SF1: variants seen among roughly 807,000 people sequenced by gnomAD.
The protein encoded by SF1 is splicing factor 1.
SF1 carries 7 observed loss-of-function variants against 62.5 expected under a neutral mutation model. The ratio of observed to expected loss-of-function variants is 0.11; its 90% confidence interval spans 0.06 to 0.21. The LOEUF (loss-of-function observed/expected upper bound fraction) is 0.21, where lower values mean the gene tolerates loss of function less well. Ranked by LOEUF, SF1 falls within the 10% of genes least tolerant of loss-of-function variation. The probability of loss-of-function intolerance (pLI) is 1.00; values close to 1 mark genes in which losing one functional copy is unlikely to be tolerated. For synonymous variants in SF1, 394 were observed against 323.6 expected, an observed-to-expected ratio of 1.22 and a Z score of -2.33; for missense variants, 578 against 884.0, an observed-to-expected ratio of 0.65 and a Z score of 4.39.
At chr11:64,774,962 A>C (rs1232561169) in intron 2 of SF1, among the ~76,000 whole-genome samples, 1 of 98,976 alleles carries the variant, frequency 1.0e-5, no homozygotes, top group Non-Finnish European at 1.9e-5. Context: ...TCAGTCTCTC[A>C]AAAAAAAAAA....
intron 10 of SF1, 84 bp from the exon 11 acceptor site, chr11:64,767,335 C>T: frequency 7.4e-7 from 1 of 1,360,120 alleles, no homozygotes; most frequent in Admixed American, 1.7e-5. Flanking sequence ...CAGTTGCTAT[C>T]CTTACGCGAG....
chr11:64,768,054 C>T, intron 9 of SF1, 52 bp downstream of exon 9: 1 of 1,564,674 alleles, frequency 6.4e-7, no homozygotes, highest in East Asian at 2.3e-5. Context: ...CTCCCAGTCT[C>T]TGCAGTAGAG....
rs1352978961 is a variant in SF1, at chr11:64,778,489, G to T, written c.-97C>A. ...GGGAGGGGACCCGAATGCGCTGCCGGAGCGCGCGGAGCCCGTCCTCTCACG... is the reference window on the plus strand; with the variant it reads ...GGGAGGGGACCCGAATGCGCTGCCGTAGCGCGCGGAGCCCGTCCTCTCACG... On this transcript the variant is annotated 5_prime_UTR_variant, in exon 1 of 13. Transcript: ENST00000377390. 2.5e-6 allele frequency: 3 copies of T among 1,200,748 alleles called. No individual in the cohort carries two copies. The highest frequency in any genetic ancestry group is 3.1e-6 in the Non-Finnish European group (3 of 967,332). The allele number at this position is 1,200,748 out of a possible 1,614,324, so 74.4% of individuals were successfully genotyped here. A position where few individuals can be genotyped will look rare whatever the true frequency, so the allele number is the denominator to read the frequency against.
chr11:64,767,426 T>C (rs564347297), intron 10 of SF1, 145 bp downstream of exon 10: 56 of 1,064,040 alleles, frequency 5.3e-5, no homozygotes, highest in South Asian at 1.6e-4. Context: ...GGAGTCTTGC[T>C]CCTTCCAGAG....
chr11:64,774,395 A>G (rs1300394742), intron 2 of SF1, among the ~76,000 whole-genome samples: 1 of 152,174 alleles, frequency 6.6e-6, no homozygotes, highest in Non-Finnish European at 1.5e-5. Flanking sequence ...TACACAGCTG[A>G]TTTTCCAAGA....
chr11:64,770,817 G>A (rs1262109074), intron 3 of SF1, among the ~76,000 whole-genome samples: 1 of 152,118 alleles, frequency 6.6e-6, no homozygotes, highest in African/African-American at 2.4e-5. Flanking sequence ...TTAGGCAAAA[G>A]GTTAACTCTT....
intron 10 of SF1, 115 bp downstream of exon 10, chr11:64,767,456 G>C (rs941572996): frequency 2.5e-6 from 3 of 1,200,728 alleles, no homozygotes; most frequent in South Asian, 2.9e-5. Flanking sequence ...TGGCAAGCCA[G>C]GCAGACCCAG....
At chr11:64,777,878 G>A (rs1939607828) in intron 1 of SF1, 1 of 933,700 alleles carries the variant, frequency 1.1e-6, no homozygotes, top group Non-Finnish European at 1.3e-6. Context: ...CTCCCCGTGC[G>A]CGCACGCGCG....
chr11:64,767,720 G>A lies in SF1; in HGVS notation c.1193C>T (p.Pro398Leu), dbSNP rs1436664750. The change falls in exon 10 of 13, where the codon CCA becomes CTA. Residue 398 changes from proline (P) to leucine (L), a missense_variant. Around this residue, in one of 7 missense-constraint regions of SF1, gnomAD observed 410 missense variants for 452.4 expected, o/e 0.91. Transcript: ENST00000377390. ...ACCTGTCAGGCTGGGTAATGGGTGT[G>A]GGAAGCTGTGGGGGCCACCTCCGGG... ...GGPGGGPHSFPHPLPSLTGGH... is the reference protein window; with the variant it reads ...GGPGGGPHSFLHPLPSLTGGH... 2.5e-6 allele frequency: 4 copies of A among 1,612,896 alleles called. No homozygotes were observed. The highest frequency in any genetic ancestry group is 3.4e-6 in the Non-Finnish European group (4 of 1,179,524).
chr11:64,778,407 C>G lies in SF1; in HGVS notation c.-15G>C. The G allele has an allele frequency of 2.4e-6, 3 of 1,227,492 alleles. No homozygotes were observed. Among genetic ancestry groups the G allele is most frequent in the Non-Finnish European group, 3.0e-6 (3 of 984,064 alleles). 76.0% of individuals were successfully genotyped at this position (1,227,492 alleles called of 1,614,324 possible). A position where few individuals can be genotyped will look rare whatever the true frequency, so the allele number is the denominator to read the frequency against. The stretch of plus-strand genomic sequence containing the variant: ...CCGGTCGCCATGGCGCCCCCGGGGA[C>G]AGGCACCGGCACCTGCTTTTCCTCT... On this transcript the variant is annotated 5_prime_UTR_variant, in exon 1 of 13. Transcript: ENST00000377390.
At chr11:64,774,264 G>A (rs1037821699) in intron 2 of SF1, among the ~76,000 whole-genome samples, 4 of 152,196 alleles carry the variant, frequency 2.6e-5, no homozygotes, top group Admixed American at 6.5e-5. Context: ...CAGGCGTGTA[G>A]AAGAATGGAA....
chr11:64,775,721 G>A (rs868530167), intron 2 of SF1, among the ~76,000 whole-genome samples: 2 of 152,234 alleles, frequency 1.3e-5, no homozygotes, highest in East Asian at 1.9e-4. Context: ...GGTATATAAA[G>A]ATAAAACTTG....
chr11:64,777,713 C>T (rs1939548706), intron 1 of SF1: 5 of 985,452 alleles, frequency 5.1e-6, no homozygotes, highest in Admixed American at 1.2e-4. Context: ...AATAGTGGGC[C>T]CCCAGTCTAT....
Position 64,766,117 on chromosome 11 carries a change from T to G in SF1, c.1621A>C (p.Ile541Leu). ...TTTTSAGTGS[I>L]PPWQQQQAAA... is the part of the protein sequence containing the mutation. ...GCCTGCTGCTGTTGCCATGGCGGGA[T>G]GGACCCTGTGCCAGCGCTCGTGGTG... The change falls in exon 13 of 13, where the codon ATC (isoleucine) becomes CTC (leucine). Residue 541 changes from isoleucine (I) to leucine (L), a missense_variant. By Grantham distance (5) the Ile-to-Leu change is conservative (BLOSUM62 2). Transcript: ENST00000377390. The G allele has an allele frequency of 1.2e-6, 2 of 1,609,632 alleles. No homozygotes were observed. The highest frequency in any genetic ancestry group is 1.7e-6 in the Non-Finnish European group (2 of 1,179,710).
At position 64,766,069 on chromosome 11, in the gene SF1, C is replaced by T. The variant is rs999283110; in HGVS notation, c.1669G>A (p.Ala557Thr). The change falls in exon 13 of 13, where the codon GCC becomes ACC. Residue 557 changes from alanine (A) to threonine (T), a missense_variant. Physicochemically the swap from Ala to Thr is moderately conservative, Grantham distance 58 (BLOSUM62 0). Transcript: ENST00000377390. Reference protein sequence around the residue: ...QQAAAAASPGAPQMQGNPTMV... With the variant: ...QQAAAAASPGTPQMQGNPTMV... ...GTGGGGTTGCCTTGCATCTGAGGGG[C>T]TCCTGGAGAAGCTGCGGCAGCCGCC... 1 of 1,611,924 alleles carries T rather than the reference C, an allele frequency of 6.2e-7. No homozygotes were observed. Among genetic ancestry groups the T allele is most frequent in the Non-Finnish European group, 8.5e-7 (1 of 1,179,656 alleles).
chr11:64,766,186 G>T, intron 12 of SF1, 31 bp from the exon 13 acceptor site: 2 of 1,586,218 alleles, frequency 1.3e-6, no homozygotes, highest in Non-Finnish European at 8.6e-7. Context: ...AAGGTCACAC[G>T]CGCGGGGGCA....
At chr11:64,774,886 G>A (rs956448708) in intron 2 of SF1, among the ~76,000 whole-genome samples, 5 of 151,554 alleles carry the variant, frequency 3.3e-5, no homozygotes, top group Admixed American at 1.3e-4. Flanking sequence ...ACTTGAACCC[G>A]GGAGACGCAG....
intron 3 of SF1, among the ~76,000 whole-genome samples, chr11:64,770,829 G>C (rs12292872): frequency 0.078 from 11,827 of 152,166 alleles, 1,456 homozygotes; most frequent in African/African-American, 0.26. Context: ...TTAACTCTTG[G>C]AGAGCTCATG....
Position 64,765,563 on chromosome 11 carries a change from G to C in SF1, c.*255C>G. 6.4e-7 allele frequency: 1 copy of C among 1,569,486 alleles called. No individual in the cohort carries two copies. Among genetic ancestry groups the C allele is most frequent in the South Asian group, 1.2e-5 (1 of 85,490 alleles). ...AGAGGCAAAGGGAGTTGGGTGAGGA[G>C]AGAAAGAAGACAAAGAAGACACTCG... On this transcript the variant is annotated 3_prime_UTR_variant, in exon 13 of 13. Transcript: ENST00000377390.
Sources: allele counts gnomAD v4.1 joint callset (sites outside exome capture counted in the v4.1 genomes callset), GRCh38; gene constraint gnomAD v4.1.1; regional missense constraint gnomAD v4.1.1; transcripts MANE v1.5; gene names NCBI Gene and HGNC (gene_info 2026-07-23, HGNC 2026-07-21).